TICRR: variants seen among roughly 807,000 people sequenced by gnomAD.
TICRR encodes the protein treslin.
In TICRR, 132 loss-of-function variants were observed where a neutral mutation model predicts 178.1. The observed-to-expected ratio is 0.74, with a 90% CI of 0.64 to 0.86. The LOEUF is 0.86. Ranked by LOEUF, TICRR falls within the 40% of genes least tolerant of loss-of-function variation. TICRR has a pLI of 0.00. For synonymous variants in TICRR, 991 were observed against 900.7 expected, an observed-to-expected ratio of 1.10 and a Z score of -1.79; for missense variants, 2,587 against 2,334.3, an observed-to-expected ratio of 1.11 and a Z score of -2.23.
intron 16 of TICRR, 83 bp from the exon 17 acceptor site, chr15:89,618,069 G>A: frequency 7.4e-7 from 1 of 1,359,142 alleles, no homozygotes; most frequent in Non-Finnish European, 1.1e-6. Context: ...TTGTGATCTT[G>A]TTAAGTGAGA....
chr15:89,599,355 T>C lies in TICRR; in HGVS notation c.1932T>C (p.Tyr644=). Residue 644 remains tyrosine (Y), a synonymous_variant, in exon 8 of 22, where the codon TAT becomes TAC. Transcript: ENST00000268138. Reference sequence around the variant, plus strand: ...AAACTGAGGAAGAGCTGCTATCATATATACGTGAAAATTACCAAAAGACTG... The same window carrying C: ...AAACTGAGGAAGAGCTGCTATCATACATACGTGAAAATTACCAAAAGACTG... ...DFKTEEELLS[Y]IRENYQKTVA... 6.2e-7 allele frequency: 1 copy of C among 1,612,592 alleles called. No individual in the cohort carries two copies. The highest frequency in any genetic ancestry group is 8.5e-7 in the Non-Finnish European group (1 of 1,179,428).
intron 15 of TICRR, among the ~76,000 whole-genome samples, chr15:89,609,501 C>T (rs1164848996): frequency 6.6e-6 from 1 of 151,522 alleles, no homozygotes; most frequent in Admixed American, 6.6e-5. Flanking sequence ...GTCAGAGTCT[C>T]ACTCACTCTG....
chr15:89,602,118 C>T (rs1393355442), intron 12 of TICRR, 142 bp downstream of exon 12: 3 of 911,626 alleles, frequency 3.3e-6, no homozygotes, highest in Admixed American at 2.8e-5. Flanking sequence ...GAGAAGCCAA[C>T]TATTAGAGCT....
rs375067357 is a variant in TICRR, at chr15:89,592,022, T to C, written c.1412-25T>C. 12 of 1,592,472 alleles carry C rather than the reference T, an allele frequency of 7.5e-6. No homozygotes were observed. The African/African-American group carries it at 1.5e-4, about 20-fold the overall frequency. ...TTGGTTCTCATGCTGTTTCCTCTCC[T>C]GCCGCTGCTCCTTTGCTCCAATAGC... On this transcript the variant is annotated intron_variant, in intron 4 of 21. Transcript: ENST00000268138.
intron 2 of TICRR, among the ~76,000 whole-genome samples, chr15:89,584,037 A>G (rs867539009): frequency 2.6e-5 from 4 of 152,164 alleles, no homozygotes; most frequent in Admixed American, 1.3e-4. Context: ...AAGTTCTGCC[A>G]TCACATATTG....
rs1483440937 is a variant in TICRR at position 89,601,236 on chromosome 15, G to A, written c.2154-62G>A. The stretch of plus-strand genomic sequence containing the variant: ...TTATATAAATAGATCTATGCTTACG[G>A]AAGGAGCTTTTTGTTTAGTGACATC... On this transcript the variant is annotated intron_variant, in intron 9 of 21. Transcript: ENST00000268138. 11 of 1,448,774 alleles carry A rather than the reference G, an allele frequency of 7.6e-6. No homozygotes were observed. The Middle Eastern group carries it at 5.3e-4, about 69-fold the overall frequency. The allele number at this position is 1,448,774 out of a possible 1,614,324, so 89.7% of individuals were successfully genotyped here.
chr15:89,627,071 G>A lies in TICRR; in HGVS notation c.5718G>A (p.Trp1906Ter). ...TYTRKKLMGT[W>*]LEDL Reference sequence around the variant, plus strand: ...CACGGAAGAAGCTCATGGGAACCTGGCTGGAGGACTTATAGCCACAAACAT... The same window carrying A: ...CACGGAAGAAGCTCATGGGAACCTGACTGGAGGACTTATAGCCACAAACAT... Residue 1906 changes from tryptophan (W) to a stop codon, truncating the protein, a stop_gained, in exon 22 of 22, where the codon TGG becomes TGA. Transcript: ENST00000268138. LOFTEE classifies it high-confidence loss of function. The A allele has an allele frequency of 1.9e-6, 3 of 1,614,084 alleles. No individual in the cohort carries two copies. The highest frequency in any genetic ancestry group is 2.5e-6 in the Non-Finnish European group (3 of 1,180,028).
At chr15:89,619,903 G>A in intron 18 of TICRR, 61 bp downstream of exon 18, 1 of 1,535,568 alleles carries the variant, frequency 6.5e-7, no homozygotes, top group Non-Finnish European at 8.8e-7. Flanking sequence ...AGTGTTTTTG[G>A]GAAAAGAAGC....
intron 15 of TICRR, among the ~76,000 whole-genome samples, chr15:89,609,499 C>T (rs147280923): frequency 1.3e-5 from 2 of 151,922 alleles, no homozygotes; most frequent in Non-Finnish European, 2.9e-5. Context: ...GAGTCAGAGT[C>T]TCACTCACTC....
Position 89,575,681 on chromosome 15 carries a change from C to T in TICRR, c.95C>T (p.Thr32Ile). ...CGGCGGGCCGCCCTGCGCCTCCTCA[C>T]CTATCTGAGTTGCCGATTCGGCCTG... ...RVRRAALRLL[T>I]YLSCRFGLAR... The change falls in exon 1 of 22, where the codon ACC becomes ATC. Residue 32 changes from threonine to isoleucine, a missense_variant. Transcript: ENST00000268138. 1 of 1,600,530 alleles carries T rather than the reference C, an allele frequency of 6.2e-7. No homozygotes were observed. Among genetic ancestry groups the T allele is most frequent in the Non-Finnish European group, 8.5e-7 (1 of 1,175,198 alleles).
chr15:89,623,751 T>G lies in TICRR; in HGVS notation c.3441T>G (p.Pro1147=), dbSNP rs748040400. 6.2e-7 allele frequency: 1 copy of G among 1,613,892 alleles called. No individual in the cohort carries two copies. Among genetic ancestry groups the G allele is most frequent in the Non-Finnish European group, 8.5e-7 (1 of 1,179,960 alleles). ...RLQKSPAKMT[P]TKQAAFKESL... is the part of the protein sequence containing the mutation. ...AGAAGTCCCCTGCAAAAATGACCCCTACAAAGCAGGCAGCTTTTAAGGAGT... is the reference window on the plus strand; with the variant it reads ...AGAAGTCCCCTGCAAAAATGACCCCGACAAAGCAGGCAGCTTTTAAGGAGT... Residue 1147 remains proline, a synonymous_variant, in exon 20 of 22, where the codon CCT becomes CCG. Transcript: ENST00000268138.
chr15:89,609,130 A>G (rs1297889983), intron 15 of TICRR, among the ~76,000 whole-genome samples, 181 bp downstream of exon 15: 2 of 26,784 alleles, frequency 7.5e-5, no homozygotes, highest in Admixed American at 4.8e-4. Context: ...TTTTTTTTTG[A>G]GACAGGTTCT....
chr15:89,624,433 C>T lies in TICRR; in HGVS notation c.4123C>T (p.Pro1375Ser), dbSNP rs267604372. The change falls in exon 20 of 22, where the codon CCT (proline) becomes TCT (serine). Residue 1375 changes from proline (P) to serine (S), a missense_variant. Coordinates refer to ENST00000268138, the MANE Select transcript of TICRR (RefSeq NM_152259.4). The stretch of plus-strand genomic sequence containing the variant: ...GAGAGCTACATTGGACACCGTCCCT[C>T]CTCCACCCCCTTCTAAAGTTGGGAA... ...SQRATLDTVP[P>S]PPPSKVGKRC... 1 of 1,614,202 alleles carries T rather than the reference C, an allele frequency of 6.2e-7. No individual in the cohort carries two copies. The highest frequency in any genetic ancestry group is 8.5e-7 in the Non-Finnish European group (1 of 1,180,036).
Position 89,606,838 on chromosome 15 carries a change from C to T in TICRR, c.2722+13C>T, listed in dbSNP as rs763743423. The T allele has an allele frequency of 1.2e-6, 2 of 1,610,690 alleles. No individual in the cohort carries two copies. Among genetic ancestry groups the T allele is most frequent in the Non-Finnish European group, 1.7e-6 (2 of 1,177,092 alleles). On this transcript the variant is annotated intron_variant, in intron 14 of 21. Transcript: ENST00000268138. ...GATACAGTGCAAGGTATACTGTTTT[C>T]TCAGTGTATGTATTTATTCACTAGC...
intron 15 of TICRR, among the ~76,000 whole-genome samples, chr15:89,613,436 T>C (rs1341162908): frequency 6.6e-6 from 1 of 152,210 alleles, no homozygotes; most frequent in Admixed American, 6.5e-5. Flanking sequence ...ATTGAGTTTC[T>C]TAGATGTGTA....
At chr15:89,596,174 T>A (rs1375422593) in intron 7 of TICRR, among the ~76,000 whole-genome samples, 1 of 152,174 alleles carries the variant, frequency 6.6e-6, no homozygotes, top group Non-Finnish European at 1.5e-5. Flanking sequence ...GAGAAAGACA[T>A]AATCTTTTCA....
chr15:89,597,902 G>T (rs1343902035), intron 7 of TICRR, among the ~76,000 whole-genome samples: 2 of 152,088 alleles, frequency 1.3e-5, no homozygotes, highest in African/African-American at 4.8e-5. Context: ...CTTTGATTTT[G>T]TTCACAGAAT....
Position 89,609,664 on chromosome 15 carries a change from G to A in TICRR, c.2869+715G>A, listed in dbSNP as rs1379749070. ...TAATTTTTGTATTTTTAGTAGAGACGGGGTTTCACCATGTTGGCCAGGCTG... is the reference window on the plus strand; with the variant it reads ...TAATTTTTGTATTTTTAGTAGAGACAGGGTTTCACCATGTTGGCCAGGCTG... On this transcript the variant is annotated intron_variant, in intron 15 of 21. Coordinates refer to ENST00000268138, the MANE Select transcript of TICRR (RefSeq NM_152259.4). Among the ~76,000 whole-genome samples, 8 of 151,770 alleles carry A rather than the reference G, an allele frequency of 5.3e-5. No individual in the cohort carries two copies. In the East Asian group the frequency reaches 9.7e-4, roughly 18 times the overall value.
At chr15:89,605,709 TAATC>T (rs149870075) in intron 13 of TICRR, among the ~76,000 whole-genome samples, 39,910 of 152,044 alleles carry the variant, frequency 0.26, 5,906 homozygotes, top group South Asian at 0.38. Flanking sequence ...TAAGAGTTAT[TAATC>T]AATATAAGTA....
Sources: allele counts gnomAD v4.1 joint callset (sites outside exome capture counted in the v4.1 genomes callset), GRCh38; gene constraint gnomAD v4.1.1; transcripts MANE v1.5; gene names NCBI Gene and HGNC (gene_info 2026-07-23, HGNC 2026-07-21).